Variants in AUTS2 observed in about 807,000 individuals in gnomAD.
AUTS2 encodes autism susceptibility gene 2 protein.
In AUTS2, 17 loss-of-function variants were observed where a neutral mutation model predicts 112.4. The observed-to-expected ratio is 0.15, with a 90% CI of 0.10 to 0.23. The LOEUF is 0.23. AUTS2 is among the 10% of genes least tolerant of loss of function. AUTS2 has a pLI of 1.00. For synonymous variants in AUTS2, 751 were observed against 702.7 expected, an observed-to-expected ratio of 1.07 and a Z score of -1.09; for missense variants, 1,510 against 1,701.6, an observed-to-expected ratio of 0.89 and a Z score of 1.98.
chr7:70,262,400 G>A (rs1253234524), intron 4 of AUTS2, among the ~76,000 whole-genome samples: 1 of 152,078 alleles, frequency 6.6e-6, no homozygotes, highest in Admixed American at 6.6e-5. Context: ...ATGTTAGAAA[G>A]GCTTGTCTCA....
At chr7:70,283,763 T>C (rs1562849144) in intron 4 of AUTS2, among the ~76,000 whole-genome samples, 2 of 152,078 alleles carry the variant, frequency 1.3e-5, no homozygotes, top group Non-Finnish European at 2.9e-5. Flanking sequence ...GAAGCCCTAG[T>C]TTGTTGAGTT....
intron 4 of AUTS2, among the ~76,000 whole-genome samples, chr7:70,154,337 G>T (rs1428291204): frequency 2.0e-5 from 3 of 152,126 alleles, no homozygotes; most frequent in Non-Finnish European, 4.4e-5. Flanking sequence ...TTTTTCCTTT[G>T]ACTTGTGTGG....
At chr7:70,046,727 T>A (rs1801522834) in intron 2 of AUTS2, among the ~76,000 whole-genome samples, 1 of 152,212 alleles carries the variant, frequency 6.6e-6, no homozygotes, top group Non-Finnish European at 1.5e-5. Flanking sequence ...AGTACTATAT[T>A]TCTTTTTATC....
chr7:70,183,595 G>A (rs540775791), intron 4 of AUTS2, among the ~76,000 whole-genome samples: 1 of 152,196 alleles, frequency 6.6e-6, no homozygotes, highest in Non-Finnish European at 1.5e-5. Context: ...CAGCCCTGCT[G>A]TGTGCAGACG....
At chr7:69,944,623 G>A (rs1014900585) in intron 2 of AUTS2, among the ~76,000 whole-genome samples, 1 of 152,162 alleles carries the variant, frequency 6.6e-6, no homozygotes, top group Non-Finnish European at 1.5e-5. Flanking sequence ...CAGCAACTTT[G>A]TTCATGCTTC....
chr7:69,950,184 A>G (rs1216633000), intron 2 of AUTS2, among the ~76,000 whole-genome samples: 2 of 152,138 alleles, frequency 1.3e-5, no homozygotes, highest in Admixed American at 6.6e-5. Context: ...CTATATATCT[A>G]TATCTATACC....
At chr7:70,304,118 A>G (rs1789375050) in intron 4 of AUTS2, among the ~76,000 whole-genome samples, 1 of 152,178 alleles carries the variant, frequency 6.6e-6, no homozygotes, top group South Asian at 2.1e-4. Context: ...GCCTAAAGCA[A>G]GGGAATTCCT....
intron 2 of AUTS2, among the ~76,000 whole-genome samples, chr7:70,097,322 G>A (rs1211055401): frequency 6.6e-6 from 1 of 152,090 alleles, no homozygotes; most frequent in Non-Finnish European, 1.5e-5. Context: ...TTGTTTAAAG[G>A]CCCTATATAG....
chr7:69,989,500 A>T lies in AUTS2; in HGVS notation c.522+90002A>T, dbSNP rs189316939. 1.8e-4 allele frequency among the ~76,000 whole-genome samples: 28 copies of T among 151,410 alleles called. No homozygotes were observed. The East Asian group carries it at 4.3e-3, about 23-fold the overall frequency. On this transcript the variant is annotated intron_variant, in intron 2 of 18. Coordinates refer to ENST00000342771, the MANE Select transcript of AUTS2 (RefSeq NM_015570.4). ...GAGCCTGACACATAAGAGTTACGTA[A>T]TAAATATTTGGTGTGTGGGATGAGA...
intron 5 of AUTS2, among the ~76,000 whole-genome samples, chr7:70,577,808 G>GT (rs34323784): frequency 3.3e-5 from 5 of 151,052 alleles, no homozygotes; most frequent in African/African-American, 4.9e-5. Context: ...GTTTTATTGG[G>GT]TTTTTTTTTA....
intron 6 of AUTS2, among the ~76,000 whole-genome samples, chr7:70,724,405 A>G (rs1264147597): frequency 6.8e-6 from 1 of 146,238 alleles, no homozygotes; most frequent in East Asian, 2.2e-4. Context: ...TTAAAACATC[A>G]GTTTATTTTT....
At chr7:70,034,814 A>G (rs184219944) in intron 2 of AUTS2, among the ~76,000 whole-genome samples, 29 of 152,260 alleles carry the variant, frequency 1.9e-4, no homozygotes, top group African/African-American at 6.3e-4. Context: ...TGAGTGTCAT[A>G]CTCAGAACAA....
intron 4 of AUTS2, among the ~76,000 whole-genome samples, chr7:70,181,000 A>C (rs937376904): frequency 1.7e-4 from 26 of 152,186 alleles, no homozygotes; most frequent in Admixed American, 7.9e-4. Flanking sequence ...ATTTCTTTAT[A>C]TATTTTTCAC....
At chr7:70,668,863 G>A (rs17141983) in intron 5 of AUTS2, among the ~76,000 whole-genome samples, 3,593 of 152,276 alleles carry the variant, frequency 0.024, 153 homozygotes, top group African/African-American at 0.081. Context: ...AGAGGGCTTG[G>A]GCAGTAAGGC....
At chr7:69,609,058 T>A (rs916753035) in intron 1 of AUTS2, among the ~76,000 whole-genome samples, 2 of 152,230 alleles carry the variant, frequency 1.3e-5, no homozygotes, top group Non-Finnish European at 2.9e-5. Flanking sequence ...ACAGATGTTG[T>A]CTTTAGTGAT....
chr7:70,440,679 T>C (rs1301263391), intron 5 of AUTS2, among the ~76,000 whole-genome samples: 1 of 152,188 alleles, frequency 6.6e-6, no homozygotes, highest in Non-Finnish European at 1.5e-5. Flanking sequence ...TTTGAAGGGT[T>C]CTGAAACAGT....
At chr7:70,712,449 T>A (rs1810112357) in intron 6 of AUTS2, among the ~76,000 whole-genome samples, 1 of 152,068 alleles carries the variant, frequency 6.6e-6, no homozygotes, top group Non-Finnish European at 1.5e-5. Flanking sequence ...GAACTCACCA[T>A]GAAAAGGAAT....
At position 70,496,361 on chromosome 7, in the gene AUTS2, C is replaced by T. The variant is rs1241436941; in HGVS notation, c.690+60580C>T. 4.1e-5 allele frequency among the ~76,000 whole-genome samples: 5 copies of T among 121,666 alleles called. No homozygotes were observed. In the South Asian group the frequency reaches 8.9e-4, roughly 22 times the overall value. 79.8% of individuals were successfully genotyped at this position (121,666 alleles called of 152,430 possible). A position where few individuals can be genotyped will look rare whatever the true frequency, so the allele number is the denominator to read the frequency against. On this transcript the variant is annotated intron_variant, in intron 5 of 18. Coordinates refer to ENST00000342771, the MANE Select transcript of AUTS2 (RefSeq NM_015570.4). ...CCCACACATGCACATGTCACATCAG[C>T]GTCGATCACACACCCCACTCACACA... is the stretch of plus-strand genomic sequence containing the variant.
chr7:70,514,161 A>G (rs1334611484), intron 5 of AUTS2, among the ~76,000 whole-genome samples: 2 of 152,216 alleles, frequency 1.3e-5, no homozygotes, highest in Non-Finnish European at 2.9e-5. Context: ...TTATTATGTG[A>G]ATAAACCATA....
Sources: allele counts gnomAD v4.1 joint callset (sites outside exome capture counted in the v4.1 genomes callset), GRCh38; gene constraint gnomAD v4.1.1; transcripts MANE v1.5; gene names NCBI Gene and HGNC (gene_info 2026-07-23, HGNC 2026-07-21).